Variants in MECOM observed in about 807,000 individuals in gnomAD.
MECOM encodes the protein MDS1 and EVI1 complex locus.
A neutral mutation model predicts 116.3 loss-of-function variants in MECOM; 13 were observed. The ratio of observed to expected loss-of-function variants is 0.11; its 90% CI spans 0.07 to 0.18. The LOEUF (loss-of-function observed/expected upper bound fraction) is 0.18. Ranked by LOEUF, MECOM falls within the 10% of genes least tolerant of loss-of-function variation. MECOM has a pLI of 1.00. For synonymous variants in MECOM, 528 were observed against 535.2 expected, an observed-to-expected ratio of 0.99 and a Z score of 0.19; for missense variants, 1,299 against 1,509.0, an observed-to-expected ratio of 0.86 and a Z score of 2.31.
At chr3:169,524,971 T>C (rs1280008179) in intron 1 of MECOM, among the ~76,000 whole-genome samples, 2 of 143,116 alleles carry the variant, frequency 1.4e-5, no homozygotes, top group African/African-American at 5.7e-5. Context: ...ACTGCATACT[T>C]GTTTAAAAAA....
chr3:169,322,855 A>G (rs12638604), intron 2 of MECOM, among the ~76,000 whole-genome samples: 48,906 of 151,480 alleles, frequency 0.32, 8,486 homozygotes, highest in African/African-American at 0.44. Flanking sequence ...AAAATTAGCC[A>G]GCCATGTTGG....
intron 2 of MECOM, 142 bp from the exon 3 acceptor site, chr3:169,143,974 G>C: frequency 1.1e-6 from 1 of 920,084 alleles, no homozygotes; most frequent in Non-Finnish European, 1.5e-6. Flanking sequence ...CATTAATAGA[G>C]GGGAAATGAG....
intron 2 of MECOM, among the ~76,000 whole-genome samples, chr3:169,284,592 C>G (rs1250339021): frequency 6.6e-6 from 1 of 151,648 alleles, no homozygotes; most frequent in African/African-American, 2.4e-5. Flanking sequence ...CACACACACA[C>G]AAATGTGTGT....
intron 1 of MECOM, among the ~76,000 whole-genome samples, chr3:169,425,389 A>G (rs1288495074): frequency 6.6e-6 from 1 of 152,186 alleles, no homozygotes; most frequent in Non-Finnish European, 1.5e-5. Context: ...AATTCTATCC[A>G]GATATGGTCA....
At chr3:169,097,701 C>CT (rs1282529955) in intron 12 of MECOM, among the ~76,000 whole-genome samples, 2 of 151,508 alleles carry the variant, frequency 1.3e-5, no homozygotes, top group East Asian at 2.0e-4. Flanking sequence ...ATGGTGGCAC[C>CT]TGCCTATACT....
intron 1 of MECOM, among the ~76,000 whole-genome samples, chr3:169,555,558 G>A (rs1761926703): frequency 1.3e-5 from 2 of 152,182 alleles, no homozygotes; most frequent in Admixed American, 1.3e-4. Context: ...TAATTGCACT[G>A]TAGGCCTAAA....
chr3:169,249,356 G>C (rs754534951), intron 2 of MECOM, among the ~76,000 whole-genome samples: 44 of 152,254 alleles, frequency 2.9e-4, no homozygotes, highest in Admixed American at 3.9e-4. Flanking sequence ...CAAAGAAAAA[G>C]ACAGAACAAC....
chr3:169,652,177 T>C (rs949833005), intron 1 of MECOM, among the ~76,000 whole-genome samples: 7 of 152,216 alleles, frequency 4.6e-5, no homozygotes, highest in African/African-American at 1.7e-4. Context: ...TTCTTGCATG[T>C]GTATTTTCTG....
rs576359964 is a variant in MECOM, at chr3:169,327,654, A to G, written c.375+53533T>C. ...GACTGTGTCTCAAAAAAAAAAAAAA[A>G]AAAGAAAAAAAAGCATAAAAACATT... is the stretch of plus-strand genomic sequence containing the variant. On this transcript the variant is annotated intron_variant, in intron 2 of 16. Coordinates refer to ENST00000651503, the MANE Select transcript of MECOM (RefSeq NM_004991.4). 5.9e-4 allele frequency among the ~76,000 whole-genome samples: 89 copies of G among 151,884 alleles called. 1 individual carries two copies. The South Asian group carries it at 9.1e-3, about 16-fold the overall frequency.
chr3:169,151,627 A>G (rs1236295909), intron 2 of MECOM, among the ~76,000 whole-genome samples: 1 of 152,248 alleles, frequency 6.6e-6, no homozygotes, highest in African/African-American at 2.4e-5. Context: ...AAATAATCTG[A>G]GAAATTGACA....
chr3:169,228,116 T>C (rs1008387617), intron 2 of MECOM, among the ~76,000 whole-genome samples: 2 of 152,172 alleles, frequency 1.3e-5, no homozygotes, highest in Non-Finnish European at 2.9e-5. Context: ...TACAACAGCC[T>C]TGCAGCGTTC....
At chr3:169,129,943 T>G (rs950751133) in intron 4 of MECOM, among the ~76,000 whole-genome samples, 1 of 152,202 alleles carries the variant, frequency 6.6e-6, no homozygotes, top group Non-Finnish European at 1.5e-5. Context: ...TATCATATAG[T>G]AGGTGTGCAA....
intron 2 of MECOM, chr3:169,146,528 A>C (rs949068753): frequency 7.3e-7 from 1 of 1,378,234 alleles, no homozygotes; most frequent in Non-Finnish European, 9.6e-7. Flanking sequence ...ACCGTTTCGC[A>C]GGAGGAACAA....
chr3:169,472,603 GAAAGGAAAGGAAAGA>G (rs1208031393), intron 1 of MECOM, among the ~76,000 whole-genome samples: 1 of 61,556 alleles, frequency 1.6e-5, no homozygotes, highest in Non-Finnish European at 2.7e-5. Flanking sequence ...GAAAGGAAAG[GAAAGGAAAGGAAAGA>G]AAAGAAAAGA....
chr3:169,569,998 T>G (rs1763689192), intron 1 of MECOM, among the ~76,000 whole-genome samples: 1 of 152,152 alleles, frequency 6.6e-6, no homozygotes, highest in Admixed American at 6.5e-5. Flanking sequence ...AGAATAGAAT[T>G]GAAGGATAGA....
intron 2 of MECOM, among the ~76,000 whole-genome samples, chr3:169,274,088 T>G (rs1759293242): frequency 6.6e-6 from 1 of 151,968 alleles, no homozygotes; most frequent in Non-Finnish European, 1.5e-5. Context: ...ATTTTTGCAT[T>G]TTTAGTAGAG....
At chr3:169,378,296 A>G (rs930543716) in intron 2 of MECOM, among the ~76,000 whole-genome samples, 1 of 150,180 alleles carries the variant, frequency 6.7e-6, no homozygotes, top group Non-Finnish European at 1.5e-5. Context: ...TGTTCTGCAC[A>G]TGTATCCTAG....
At chr3:169,117,474 T>C (rs939635579) in intron 7 of MECOM, among the ~76,000 whole-genome samples, 9 of 152,332 alleles carry the variant, frequency 5.9e-5, no homozygotes, top group Non-Finnish European at 8.8e-5. Context: ...CCATGAACTA[T>C]GATCACGTCC....
chr3:169,219,658 G>A (rs1485592141), intron 2 of MECOM, among the ~76,000 whole-genome samples: 3 of 152,174 alleles, frequency 2.0e-5, no homozygotes, highest in Admixed American at 2.0e-4. Flanking sequence ...ATATGTAGGG[G>A]TGGGTGTGTG....
Sources: gnomAD v4.1 joint callset for allele counts (sites outside exome capture counted in the v4.1 genomes callset) on GRCh38, gnomAD v4.1.1 for gene constraint, MANE v1.5 for transcripts, NCBI Gene and HGNC (gene_info 2026-07-23, HGNC 2026-07-21) for gene names.